The following KCNK9 variants were observed in gnomAD, a reference collection of about 807,000 sequenced individuals.
The protein encoded by KCNK9 is potassium two pore domain channel subfamily K member 9, also known as potassium channel subfamily K member 9.
Under a neutral mutation model 10.8 loss-of-function variants are expected in KCNK9, and 1 was observed. The ratio of observed to expected loss-of-function variants is 0.09; its 90% CI spans 0.03 to 0.44. The LOEUF is 0.44. KCNK9 is among the 20% of genes least tolerant of loss of function. The pLI, the probability that KCNK9 is intolerant of heterozygous loss-of-function variation, is 0.97. For missense variants in KCNK9, 303 were observed against 515.0 expected (o/e 0.59, Z 3.98); for synonymous variants, 231 against 222.7 (o/e 1.04, Z -0.33).
intron 1 of KCNK9, among the ~76,000 whole-genome samples, chr8:139,620,674 A>G (rs1180782958): frequency 6.6e-6 from 1 of 151,816 alleles, no homozygotes; most frequent in East Asian, 1.9e-4. Context: ...ATGACATCAC[A>G]TGTTTGCCTC....
intron 1 of KCNK9, among the ~76,000 whole-genome samples, chr8:139,637,131 G>C (rs141056172): frequency 6.6e-6 from 1 of 152,220 alleles, no homozygotes; most frequent in East Asian, 1.9e-4. Context: ...GCATGTACAA[G>C]GCATGTGCAC....
Position 139,618,538 on chromosome 8 carries a change from C to T in KCNK9, c.845G>A (p.Ser282Asn). The change falls in exon 2 of 2, where the codon AGC becomes AAC. Residue 282 changes from serine (S) to asparagine (N), a missense_variant. Transcript: ENST00000520439. The surrounding 1 kb of genome is among the most constrained non-coding windows in gnomAD (Gnocchi z 7.9). ...GACGTCCGCCTTGTACCTGGGCCGG[C>T]TGGGCCGCGGCTCCTCAGGGATGTG... ...VIHIPEEPRP[S>N]RPRYKADVPD... is the part of the protein sequence containing the mutation. The T allele has an allele frequency of 6.2e-7, 1 of 1,613,562 alleles. No homozygotes were observed. The highest frequency in any genetic ancestry group is 8.5e-7 in the Non-Finnish European group (1 of 1,179,914).
chr8:139,677,678 AGCCC>A (rs1816583692), intron 1 of KCNK9, among the ~76,000 whole-genome samples: 1 of 151,012 alleles, frequency 6.6e-6, no homozygotes, highest in African/African-American at 2.5e-5. Context: ...CTCGAGTCCC[AGCCC>A]AGTGGGTTCC....
chr8:139,636,557 C>CAAAACTTTAGCCAACTTCCAGAAG (rs367974421), intron 1 of KCNK9, among the ~76,000 whole-genome samples: 1 of 152,226 alleles, frequency 6.6e-6, no homozygotes, highest in Non-Finnish European at 1.5e-5. Flanking sequence ...TCTGAGGTCA[C>CAAAACTTTAGCCAACTTCCAGAAG]AAAACTTTAG....
In KCNK9 at chr8:139,668,452, G is replaced by A. The variant is rs191344134; in HGVS notation, c.283+34258C>T. Among the ~76,000 whole-genome samples, 402 of 139,658 alleles carry A rather than the reference G, an allele frequency of 2.9e-3. 2 individuals are homozygous for A. The highest frequency in any genetic ancestry group is 0.01 in the African/African-American group (377 of 37,124). The allele number at this position is 139,658 out of a possible 152,430, so 91.6% of individuals were successfully genotyped here. On this transcript the variant is annotated intron_variant, in intron 1 of 1. Coordinates refer to ENST00000520439, the MANE Select transcript of KCNK9 (RefSeq NM_001282534.2). The stretch of plus-strand genomic sequence containing the variant: ...TTTTTTTTTTTTGAGATGGAGTTTC[G>A]CTCTTGTTGCCCAGGTTAGAGTGCA...
downstream of KCNK9, among the ~76,000 whole-genome samples, chr8:139,614,270 G>T (rs1814514853): frequency 6.6e-6 from 1 of 152,206 alleles, no homozygotes; most frequent in African/African-American, 2.4e-5. Flanking sequence ...GCACAGATAA[G>T]GAACAGGTGA....
downstream of KCNK9, among the ~76,000 whole-genome samples, chr8:139,610,023 A>C (rs1172965321): frequency 6.7e-6 from 1 of 150,168 alleles, no homozygotes; most frequent in East Asian, 1.9e-4. Flanking sequence ...CATGTTCCCT[A>C]GACTTGACTT....
At chr8:139,621,803 A>G (rs1457820170) in intron 1 of KCNK9, among the ~76,000 whole-genome samples, 1 of 152,214 alleles carries the variant, frequency 6.6e-6, no homozygotes, top group Non-Finnish European at 1.5e-5. Context: ...ATATCTCCAT[A>G]TAGCTCACCT....
At chr8:139,680,658 T>TCCCTGATG (rs1209951280) in intron 1 of KCNK9, among the ~76,000 whole-genome samples, 1 of 152,072 alleles carries the variant, frequency 6.6e-6, no homozygotes, top group African/African-American at 2.4e-5. Context: ...GTGCTCCTAA[T>TCCCTGATG]CCCTGATGCA....
intron 1 of KCNK9, among the ~76,000 whole-genome samples, chr8:139,622,845 A>G (rs142688162): frequency 9.8e-5 from 15 of 152,334 alleles, no homozygotes; most frequent in African/African-American, 3.6e-4. Flanking sequence ...ACACACATAC[A>G]TGGCATCTAT....
intron 1 of KCNK9, among the ~76,000 whole-genome samples, chr8:139,687,802 C>G (rs944101369): frequency 3.3e-5 from 5 of 151,080 alleles, no homozygotes; most frequent in Non-Finnish European, 7.4e-5. Context: ...CTTGTTTTAT[C>G]TAAACCCCCA....
intron 1 of KCNK9, among the ~76,000 whole-genome samples, chr8:139,661,753 G>A (rs979593350): frequency 3.3e-5 from 5 of 152,360 alleles, no homozygotes; most frequent in East Asian, 3.9e-4. Context: ...CACAGGAAGT[G>A]CAGGCTGTGT....
chr8:139,666,823 T>TGG (rs1158187261), intron 1 of KCNK9, among the ~76,000 whole-genome samples: 1 of 152,248 alleles, frequency 6.6e-6, no homozygotes, highest in East Asian at 1.9e-4. Context: ...ATTTTCCTCA[T>TGG]CCATTTTTTC....
chr8:139,648,099 G>A (rs1457699513), intron 1 of KCNK9, among the ~76,000 whole-genome samples: 1 of 152,192 alleles, frequency 6.6e-6, no homozygotes, highest in African/African-American at 2.4e-5. Context: ...AAAGGAAAGA[G>A]GTACGGACAC....
intron 1 of KCNK9, among the ~76,000 whole-genome samples, chr8:139,692,038 G>C (rs1563753673): frequency 6.6e-6 from 1 of 152,220 alleles, no homozygotes; most frequent in Non-Finnish European, 1.5e-5. Context: ...TTCCTGCTGG[G>C]AGGGATGCTG....
intron 1 of KCNK9, among the ~76,000 whole-genome samples, chr8:139,642,075 A>G (rs924979837): frequency 7.2e-5 from 11 of 152,248 alleles, no homozygotes; most frequent in African/African-American, 2.7e-4. Flanking sequence ...CATCCAAGAT[A>G]GTCTAGAACA....
Position 139,702,968 on chromosome 8 carries a change from G to C in KCNK9, c.25C>G (p.Leu9Val), listed in dbSNP as rs1166889219. Residue 9 changes from leucine to valine, a missense_variant, in exon 1 of 2, where the codon CTG becomes GTG. Leu to Val is a conservative substitution (Grantham distance 32). Around this residue, in one of 5 missense-constraint regions of KCNK9, gnomAD observed 58 missense variants for 102.4 expected, o/e 0.57. Transcript: ENST00000520439. The surrounding 1 kb of genome is among the most constrained non-coding windows in gnomAD (Gnocchi z 7.5). The stretch of plus-strand genomic sequence containing the variant: ...GTGAAGGTGCAGACGATGAGGGACA[G>C]AGTCCGCACGTTCTGCCTCTTCATG... Reference protein sequence around the residue: MKRQNVRTLSLIVCTFTYL... With the variant: MKRQNVRTVSLIVCTFTYL... 10 of 1,598,270 alleles carry C rather than the reference G, an allele frequency of 6.3e-6. No homozygotes were observed. The highest frequency in any genetic ancestry group is 7.7e-6 in the Non-Finnish European group (9 of 1,173,230).
chr8:139,661,925 G>A (rs1004461717), intron 1 of KCNK9, among the ~76,000 whole-genome samples: 1 of 152,236 alleles, frequency 6.6e-6, no homozygotes, highest in Non-Finnish European at 1.5e-5. Flanking sequence ...GTTCCTGTGG[G>A]GAGGGACTGC....
At chr8:139,630,108 G>A (rs987497098) in intron 1 of KCNK9, among the ~76,000 whole-genome samples, 1 of 152,036 alleles carries the variant, frequency 6.6e-6, no homozygotes, top group African/African-American at 2.4e-5. Context: ...GTTTCTTTTG[G>A]GGATAAAGAA....
Sources: allele counts gnomAD v4.1 joint callset (sites outside exome capture counted in the v4.1 genomes callset), GRCh38; gene constraint gnomAD v4.1.1; regional missense constraint gnomAD v4.1.1; non-coding constraint Gnocchi (gnomAD v3.1); transcripts MANE v1.5; gene names NCBI Gene and HGNC (gene_info 2026-07-23, HGNC 2026-07-21).